Variants in EFCAB5 observed in about 807,000 individuals in gnomAD.
The protein encoded by EFCAB5 is EF-hand calcium binding domain 5.
EFCAB5 carries 131 observed loss-of-function variants against 167.9 expected under a neutral mutation model. The ratio of observed to expected loss-of-function variants is 0.78; its 90% CI spans 0.68 to 0.90. EFCAB5 has a LOEUF of 0.90. Ranked by LOEUF, EFCAB5 falls within the 40% of genes least tolerant of loss-of-function variation. EFCAB5 has a pLI of 0.00. For synonymous variants in EFCAB5, 574 were observed against 602.8 expected (o/e 0.95, Z 0.70); for missense variants, 1,663 against 1,745.2 (o/e 0.95, Z 0.84).
intron 7 of EFCAB5, 84 bp from the exon 8 acceptor site, chr17:30,034,146 A>G (rs1390127297): frequency 1.4e-6 from 2 of 1,479,700 alleles, no homozygotes; most frequent in African/African-American, 2.8e-5. Flanking sequence ...AATGTATTTC[A>G]TGCACATTGG....
intron 8 of EFCAB5, among the ~76,000 whole-genome samples, chr17:30,046,132 T>C (rs2069921961): frequency 6.6e-6 from 1 of 152,154 alleles, no homozygotes; most frequent in African/African-American, 2.4e-5. Flanking sequence ...GACTAAGAAA[T>C]AGTAAGGGAG....
intron 14 of EFCAB5, chr17:30,069,746 A>G: frequency 1.4e-6 from 1 of 735,892 alleles, no homozygotes; most frequent in Non-Finnish European, 2.2e-6. Flanking sequence ...TGGTATGACC[A>G]CATTTTATCA....
At chr17:29,969,660 G>A (rs2067909325) in intron 4 of EFCAB5, among the ~76,000 whole-genome samples, 1 of 151,984 alleles carries the variant, frequency 6.6e-6, no homozygotes, top group South Asian at 2.1e-4. Flanking sequence ...ATGAAAGTTG[G>A]AACTTTTTAA....
At chr17:30,073,313 TC>T in intron 14 of EFCAB5, 1 of 546,604 alleles carries the variant, frequency 1.8e-6, no homozygotes, top group Non-Finnish European at 3.2e-6. Context: ...CACCTCAGTC[TC>T]CCGAAGTGCT....
At chr17:30,090,794 A>C (rs118025053) in intron 20 of EFCAB5, 120 bp downstream of exon 20, 26,283 of 1,373,524 alleles carry the variant, frequency 0.019, 306 homozygotes, top group Non-Finnish European at 0.022. Flanking sequence ...ACATCTTTTC[A>C]TATAAAAGGA....
intron 14 of EFCAB5, chr17:30,069,637 T>G (rs1310222137): frequency 6.2e-7 from 1 of 1,606,702 alleles, no homozygotes; most frequent in African/African-American, 1.3e-5. Context: ...ACAGCTAGCC[T>G]GGGCCACGGG....
intron 8 of EFCAB5, among the ~76,000 whole-genome samples, chr17:30,048,023 G>A (rs1037551120): frequency 1.5e-4 from 23 of 152,044 alleles, no homozygotes; most frequent in Admixed American, 1.3e-3. Flanking sequence ...ACAGACTCAG[G>A]GATTACCAGA....
At chr17:30,024,224 A>G (rs2069255705) in intron 7 of EFCAB5, among the ~76,000 whole-genome samples, 1 of 152,014 alleles carries the variant, frequency 6.6e-6, no homozygotes, top group African/African-American at 2.4e-5. Context: ...TTCAATTAGG[A>G]AAAGAGGAAG....
intron 17 of EFCAB5, among the ~76,000 whole-genome samples, chr17:30,082,333 T>C (rs902071575): frequency 6.6e-6 from 1 of 152,090 alleles, no homozygotes; most frequent in African/African-American, 2.4e-5. Context: ...TACCACAAAT[T>C]TCACTGGATG....
chr17:30,050,427 G>A (rs760276044), intron 8 of EFCAB5, among the ~76,000 whole-genome samples: 9 of 152,076 alleles, frequency 5.9e-5, no homozygotes. Context: ...GAGCCACCGC[G>A]CCTGGCCTAT....
At chr17:30,048,801 A>G (rs954656606) in intron 8 of EFCAB5, among the ~76,000 whole-genome samples, 1 of 152,162 alleles carries the variant, frequency 6.6e-6, no homozygotes, top group Admixed American at 6.5e-5. Context: ...ATCTTGAAGA[A>G]TGTAGATTAC....
intron 7 of EFCAB5, among the ~76,000 whole-genome samples, chr17:30,009,918 C>G (rs534821217): frequency 6.6e-6 from 1 of 152,006 alleles, no homozygotes; most frequent in African/African-American, 2.4e-5. Flanking sequence ...CCCATTAACT[C>G]GTCATTTGCA....
chr17:30,054,779 G>T (rs1008313102), intron 10 of EFCAB5, among the ~76,000 whole-genome samples: 2 of 152,196 alleles, frequency 1.3e-5, no homozygotes, highest in Non-Finnish European at 2.9e-5. Flanking sequence ...TCTGAGTAGT[G>T]TAATGAAATC....
At chr17:29,992,588 C>T (rs555580201) in intron 4 of EFCAB5, among the ~76,000 whole-genome samples, 30 of 152,290 alleles carry the variant, frequency 2.0e-4, no homozygotes, top group East Asian at 9.7e-4. Context: ...CCTCGTGATC[C>T]GCCTGCCTTG....
chr17:30,054,072 A>G lies in EFCAB5; in HGVS notation c.2118A>G (p.Thr706=). 1.3e-6 allele frequency: 2 copies of G among 1,593,264 alleles called. No homozygotes were observed. Among genetic ancestry groups the G allele is most frequent in the East Asian group, 2.2e-5 (1 of 44,448 alleles). Residue 706 remains threonine (T), a synonymous_variant, in exon 10 of 23, where the codon ACA becomes ACG. Coordinates refer to ENST00000394835, the MANE Select transcript of EFCAB5 (RefSeq NM_198529.4). The part of the protein sequence containing the change: ...PLQEKRSWEQ[T]YEEEIFLSSE... ...AGGAAAAGAGGTCTTGGGAACAAACATATGAAGAGGAAATATTCCTGAGTT... is the reference window on the plus strand; with the variant it reads ...AGGAAAAGAGGTCTTGGGAACAAACGTATGAAGAGGAAATATTCCTGAGTT...
At chr17:30,011,739 G>C (rs554565882) in intron 7 of EFCAB5, among the ~76,000 whole-genome samples, 1 of 151,908 alleles carries the variant, frequency 6.6e-6, no homozygotes, top group African/African-American at 2.4e-5. Flanking sequence ...ATATACAATC[G>C]TGTCATCTGC....
intron 8 of EFCAB5, among the ~76,000 whole-genome samples, chr17:30,042,933 G>T (rs1023055105): frequency 6.6e-6 from 1 of 152,088 alleles, no homozygotes; most frequent in African/African-American, 2.4e-5. Context: ...TTAAAAAGAT[G>T]ATATATAAGG....
At chr17:30,070,742 G>A (rs1033224749) in intron 14 of EFCAB5, among the ~76,000 whole-genome samples, 2 of 151,946 alleles carry the variant, frequency 1.3e-5, no homozygotes, top group Non-Finnish European at 2.9e-5. Context: ...CTGAGATCAG[G>A]AGTTCCAGAC....
intron 14 of EFCAB5, 76 bp from the exon 15 acceptor site, chr17:30,078,139 A>T: frequency 6.8e-7 from 1 of 1,466,924 alleles, no homozygotes; most frequent in East Asian, 2.4e-5. Context: ...AGTTCATCGT[A>T]AGAGGAGAAT....
Sources: gnomAD v4.1 joint callset for allele counts (sites outside exome capture counted in the v4.1 genomes callset) on GRCh38, gnomAD v4.1.1 for gene constraint, MANE v1.5 for transcripts, NCBI Gene and HGNC (gene_info 2026-07-23, HGNC 2026-07-21) for gene names.